Variants in XRCC4 observed in about 807,000 individuals in gnomAD.
XRCC4 encodes DNA repair protein XRCC4.
Under a neutral mutation model 39.1 loss-of-function variants are expected in XRCC4, and 28 were observed. That is an observed-to-expected ratio of 0.72 (90% CI 0.53 to 0.98). XRCC4 has a LOEUF of 0.98. Among genes scored for constraint, XRCC4 ranks in the 50% least tolerant of loss-of-function variants. XRCC4 has a pLI of 0.00. For missense variants in XRCC4, 350 were observed against 376.4 expected (o/e 0.93, Z 0.58); for synonymous variants, 123 against 126.4 (o/e 0.97, Z 0.18).
chr5:83,305,174 C>A (rs1755436310), intron 7 of XRCC4, among the ~76,000 whole-genome samples: 1 of 152,072 alleles, frequency 6.6e-6, no homozygotes, highest in Non-Finnish European at 1.5e-5. Context: ...TCCCATATAC[C>A]TCATACTCAG....
rs1744713933 is a variant in XRCC4 at position 83,077,558 on chromosome 5, A to G, written c.-68A>G. On this transcript the variant is annotated 5_prime_UTR_variant, in exon 1 of 8. Coordinates refer to ENST00000396027, the MANE Select transcript of XRCC4 (RefSeq NM_003401.5). ...TAGCTGATACTCTCATTGGTTGCAA[A>G]ACCTTGATCTGTGAAAGCGGGCGTT... 3 of 554,248 alleles carry G rather than the reference A, an allele frequency of 5.4e-6. No individual in the cohort carries two copies. The highest frequency in any genetic ancestry group is 1.9e-5 in the African/African-American group (1 of 53,148). 34.3% of individuals were successfully genotyped at this position (554,248 alleles called of 1,614,324 possible).
chr5:83,236,628 G>A (rs1752701113), intron 6 of XRCC4, among the ~76,000 whole-genome samples: 1 of 151,984 alleles, frequency 6.6e-6, no homozygotes, highest in South Asian at 2.1e-4. Context: ...AAACATTGAA[G>A]GGGTGATTCA....
intron 3 of XRCC4, among the ~76,000 whole-genome samples, chr5:83,156,265 G>A (rs1748955709): frequency 6.7e-6 from 1 of 149,854 alleles, no homozygotes; most frequent in Admixed American, 6.7e-5. Flanking sequence ...AAATAAAATT[G>A]TGACTGTTTG....
chr5:83,360,492 A>C, the XRCC4 span, among the ~76,000 whole-genome samples: 2 of 152,194 alleles, frequency 1.3e-5, no homozygotes, highest in African/African-American at 4.8e-5. Context: ...AATGATTCTC[A>C]TGAATATTTG....
chr5:83,201,716 CAG>C (rs1487578828), intron 4 of XRCC4: 1 of 152,428 alleles, frequency 6.6e-6, no homozygotes, highest in East Asian at 1.9e-4. Context: ...AGGAGAAAGC[CAG>C]AGTCATCACC....
chr5:83,230,087 T>C (rs1455028329), intron 6 of XRCC4, among the ~76,000 whole-genome samples: 1 of 151,974 alleles, frequency 6.6e-6, no homozygotes, highest in African/African-American at 2.4e-5. Flanking sequence ...TTCTCTTCCA[T>C]AGTAACATTT....
At chr5:83,139,249 C>T (rs946155578) in intron 3 of XRCC4, among the ~76,000 whole-genome samples, 2 of 152,076 alleles carry the variant, frequency 1.3e-5, no homozygotes, top group Non-Finnish European at 1.5e-5. Flanking sequence ...GTTTGTAGGA[C>T]GTCCTTCACT....
At chr5:83,154,445 G>T (rs569537810) in intron 3 of XRCC4, among the ~76,000 whole-genome samples, 1 of 152,136 alleles carries the variant, frequency 6.6e-6, no homozygotes, top group Non-Finnish European at 1.5e-5. Context: ...CTGGTATAAT[G>T]CAAATATTCC....
At chr5:83,372,243 T>A in the XRCC4 span, among the ~76,000 whole-genome samples, 1 of 152,196 alleles carries the variant, frequency 6.6e-6, no homozygotes. Flanking sequence ...ATGATATTTA[T>A]CCCAAATGTG....
At chr5:83,312,179 A>C (rs550629611) in intron 7 of XRCC4, among the ~76,000 whole-genome samples, 2 of 152,290 alleles carry the variant, frequency 1.3e-5, no homozygotes, top group East Asian at 3.9e-4. Context: ...CAGTAAAATG[A>C]GTTAAGAGGA....
intron 7 of XRCC4, among the ~76,000 whole-genome samples, chr5:83,295,187 G>A (rs1755052089): frequency 1.3e-5 from 2 of 151,908 alleles, no homozygotes; most frequent in African/African-American, 4.8e-5. Flanking sequence ...ATAGTGAGCA[G>A]CACTTTCAAA....
At chr5:83,361,157 C>A in the XRCC4 span, among the ~76,000 whole-genome samples, 14 of 152,164 alleles carry the variant, frequency 9.2e-5, no homozygotes, top group African/African-American at 3.4e-4. Context: ...CATAAAGCAG[C>A]ACAGTACCTG....
At chr5:83,233,213 T>C (rs1752560657) in intron 6 of XRCC4, among the ~76,000 whole-genome samples, 1 of 152,160 alleles carries the variant, frequency 6.6e-6, no homozygotes, top group African/African-American at 2.4e-5. Flanking sequence ...GTAAAGAAAC[T>C]TTCATAGTTT....
chr5:83,115,068 C>T (rs1270410733), intron 3 of XRCC4, among the ~76,000 whole-genome samples: 1 of 152,098 alleles, frequency 6.6e-6, no homozygotes, highest in Non-Finnish European at 1.5e-5. Flanking sequence ...GAGAACAGCA[C>T]AGGAAAGACC....
intron 7 of XRCC4, among the ~76,000 whole-genome samples, chr5:83,285,882 G>T (rs1265035133): frequency 6.6e-6 from 1 of 152,060 alleles, no homozygotes; most frequent in Non-Finnish European, 1.5e-5. Flanking sequence ...CACCCTCCTG[G>T]AATGTAGCAA....
intron 6 of XRCC4, among the ~76,000 whole-genome samples, chr5:83,207,569 A>T (rs1436541056): frequency 6.6e-6 from 1 of 152,090 alleles, no homozygotes; most frequent in Non-Finnish European, 1.5e-5. Context: ...TGCAAAAAGA[A>T]ATGTTTAGGA....
chr5:83,257,661 A>G (rs1753593838), intron 6 of XRCC4, among the ~76,000 whole-genome samples: 1 of 152,186 alleles, frequency 6.6e-6, no homozygotes, highest in Non-Finnish European at 1.5e-5. Flanking sequence ...CAGAAATACC[A>G]TTTGACCCAG....
intron 3 of XRCC4, among the ~76,000 whole-genome samples, chr5:83,162,934 CTT>C (rs1749286325): frequency 1.2e-4 from 13 of 109,892 alleles, no homozygotes; most frequent in African/African-American, 5.5e-4. Context: ...TTTTTTTTTT[CTT>C]TTTCTTTCTT....
chr5:83,372,044 A>T, the XRCC4 span, among the ~76,000 whole-genome samples: 2 of 152,348 alleles, frequency 1.3e-5, no homozygotes, highest in South Asian at 4.1e-4. Context: ...CTGTTGTGAT[A>T]ACAACATAAA....
Sources: allele counts gnomAD v4.1 joint callset (sites outside exome capture counted in the v4.1 genomes callset), GRCh38; gene constraint gnomAD v4.1.1; transcripts MANE v1.5; gene names NCBI Gene and HGNC (gene_info 2026-07-23, HGNC 2026-07-21).